Variants in FRMD4B observed in about 807,000 individuals in gnomAD.
FRMD4B encodes the protein FERM domain containing 4B.
In FRMD4B, 74 loss-of-function variants were observed where a neutral mutation model predicts 141.5. That is an observed-to-expected ratio of 0.52 (90% CI 0.43 to 0.63). The LOEUF is 0.63. FRMD4B is among the 30% of genes least tolerant of loss of function. FRMD4B has a pLI of 0.00. For synonymous variants in FRMD4B, 506 were observed against 467.9 expected, an observed-to-expected ratio of 1.08 and a Z score of -1.05; for missense variants, 1,366 against 1,253.4, an observed-to-expected ratio of 1.09 and a Z score of -1.36.
At chr3:69,213,447 T>A (rs1416855213) in intron 11 of FRMD4B, among the ~76,000 whole-genome samples, 1 of 152,078 alleles carries the variant, frequency 6.6e-6, no homozygotes, top group African/African-American at 2.4e-5. Flanking sequence ...CCTTCATTTC[T>A]AATATTATTG....
At chr3:69,346,884 A>G (rs893757464) in intron 1 of FRMD4B, among the ~76,000 whole-genome samples, 2 of 152,314 alleles carry the variant, frequency 1.3e-5, no homozygotes, top group Middle Eastern at 3.4e-3. Flanking sequence ...ATCAAGCCAA[A>G]TTGTAAAGAC....
chr3:69,216,326 C>A lies in FRMD4B; in HGVS notation c.813G>T (p.Trp271Cys), dbSNP rs1355698313. The A allele has an allele frequency of 1.9e-6, 3 of 1,570,138 alleles. No individual in the cohort carries two copies. The highest frequency in any genetic ancestry group is 2.6e-6 in the Non-Finnish European group (3 of 1,150,196). ...CAATTCCCTTATAGCTTATTCCAAG[C>A]CACCAAGGAAGTCCTTGCTTATCCT... ...AVKDKQGLPW[W>C]LGISYKGIGQ... Residue 271 changes from tryptophan to cysteine, a missense_variant, in exon 11 of 23, where the codon TGG (tryptophan) becomes TGT (cysteine). Trp to Cys is a radical substitution (Grantham distance 215). Coordinates refer to ENST00000398540, the MANE Select transcript of FRMD4B (RefSeq NM_015123.3).
chr3:69,302,549 G>A, intron 3 of FRMD4B, 114 bp from the exon 4 acceptor site: 1 of 684,490 alleles, frequency 1.5e-6, no homozygotes, highest in Non-Finnish European at 2.7e-6. Context: ...GATGGTAGGA[G>A]CACAACCTGT....
chr3:69,282,776 T>TAC (rs1689849972), intron 5 of FRMD4B, among the ~76,000 whole-genome samples: 1 of 151,970 alleles, frequency 6.6e-6, no homozygotes, highest in African/African-American at 2.4e-5. Context: ...TAGGTGGAAT[T>TAC]ACAGGCGCCC....
chr3:69,203,748 C>T (rs6806528), intron 11 of FRMD4B, among the ~76,000 whole-genome samples: 13,032 of 152,224 alleles, frequency 0.086, 567 homozygotes, highest in Middle Eastern at 0.1. Context: ...CTCAGCCCAA[C>T]GCCTGGCTCA....
chr3:69,433,789 A>T (rs1705216595), intron 1 of FRMD4B, among the ~76,000 whole-genome samples: 3 of 152,190 alleles, frequency 2.0e-5, no homozygotes, highest in Admixed American at 2.0e-4. Context: ...TTGGGCATGG[A>T]TAGTTATGGT....
At chr3:69,188,870 G>C (rs1389198702) in intron 18 of FRMD4B, among the ~76,000 whole-genome samples, 3 of 151,452 alleles carry the variant, frequency 2.0e-5, no homozygotes, top group Non-Finnish European at 4.4e-5. Context: ...TCATGATTAA[G>C]TACAAGAGAT....
At chr3:69,422,882 C>T (rs1433308909) in intron 2 of FRMD4B, among the ~76,000 whole-genome samples, 1 of 152,020 alleles carries the variant, frequency 6.6e-6, no homozygotes. Context: ...AGCTTGCAGA[C>T]CCCTATGTCC....
intron 1 of FRMD4B, among the ~76,000 whole-genome samples, chr3:69,499,966 T>G (rs1475817375): frequency 6.6e-6 from 1 of 152,228 alleles, no homozygotes; most frequent in African/African-American, 2.4e-5. Flanking sequence ...GAAGACTCTG[T>G]GTACATGCAC....
intron 1 of FRMD4B, among the ~76,000 whole-genome samples, chr3:69,350,146 AT>A (rs1396827021): frequency 5.9e-5 from 9 of 152,200 alleles, no homozygotes; most frequent in Non-Finnish European, 4.4e-5. Context: ...AAACAACCCC[AT>A]GAAAAAGTGG....
intron 1 of FRMD4B, among the ~76,000 whole-genome samples, chr3:69,443,158 C>T (rs1272848219): frequency 6.6e-6 from 1 of 152,164 alleles, no homozygotes; most frequent in Admixed American, 6.5e-5. Context: ...CCCCTGACCC[C>T]CAGGGAGGGG....
intron 1 of FRMD4B, among the ~76,000 whole-genome samples, chr3:69,537,361 C>A (rs75426361): frequency 0.016 from 2,388 of 152,270 alleles, 78 homozygotes; most frequent in African/African-American, 0.054. Context: ...CAAATAAAGA[C>A]CTCAAGGCTG....
intron 5 of FRMD4B, among the ~76,000 whole-genome samples, chr3:69,274,377 C>T (rs2093608486): frequency 6.6e-6 from 1 of 152,068 alleles, no homozygotes; most frequent in African/African-American, 2.4e-5. Flanking sequence ...CCAGACTCCC[C>T]ACCACCCCAT....
At chr3:69,377,288 A>C (rs921500842) in intron 1 of FRMD4B, among the ~76,000 whole-genome samples, 1 of 152,172 alleles carries the variant, frequency 6.6e-6, no homozygotes, top group Non-Finnish European at 1.5e-5. Flanking sequence ...TGTATGTGTT[A>C]ATCACTACTA....
In FRMD4B at chr3:69,338,008, G is replaced by A. The variant is rs576841902; in HGVS notation, c.163-24491C>T. ...TGCTGCTTTAAAGACACATGCACAC[G>A]TATGTTTATTGCAGCACTATTCACT... On this transcript the variant is annotated intron_variant, in intron 1 of 22. Transcript: ENST00000398540. 1.2e-4 allele frequency among the ~76,000 whole-genome samples: 19 copies of A among 152,276 alleles called. No homozygotes were observed. In the South Asian group the frequency reaches 1.9e-3, roughly 15 times the overall value.
At chr3:69,351,582 A>G (rs750723487) in intron 1 of FRMD4B, among the ~76,000 whole-genome samples, 1 of 152,202 alleles carries the variant, frequency 6.6e-6, no homozygotes, top group Non-Finnish European at 1.5e-5. Flanking sequence ...ATTTGGATGC[A>G]GCTCCCACTT....
intron 1 of FRMD4B, among the ~76,000 whole-genome samples, chr3:69,379,699 G>A (rs768228266): frequency 1.3e-5 from 2 of 152,034 alleles, no homozygotes; most frequent in Admixed American, 6.5e-5. Flanking sequence ...CTGGGGATTG[G>A]CAAACTTTTT....
At chr3:69,476,766 T>C (rs1488592298) in intron 1 of FRMD4B, among the ~76,000 whole-genome samples, 3 of 152,212 alleles carry the variant, frequency 2.0e-5, no homozygotes, top group Non-Finnish European at 2.9e-5. Flanking sequence ...TTGATGGGGA[T>C]GGCTTTGAAT....
chr3:69,331,129 T>C (rs1217099020), intron 1 of FRMD4B, among the ~76,000 whole-genome samples: 1 of 152,232 alleles, frequency 6.6e-6, no homozygotes, highest in African/African-American at 2.4e-5. Context: ...AGCTGTTTCT[T>C]AGACTTCCTC....
Sources: gnomAD v4.1 joint callset for allele counts (sites outside exome capture counted in the v4.1 genomes callset) on GRCh38, gnomAD v4.1.1 for gene constraint, MANE v1.5 for transcripts, NCBI Gene and HGNC (gene_info 2026-07-23, HGNC 2026-07-21) for gene names.